VAMP7: variants seen among roughly 807,000 people sequenced by gnomAD.
The protein encoded by VAMP7 is vesicle associated membrane protein 7.
VAMP7 carries 14 observed loss-of-function variants against 29.6 expected under a neutral mutation model. The ratio of observed to expected loss-of-function variants is 0.47; its 90% CI spans 0.31 to 0.74. The LOEUF (loss-of-function observed/expected upper bound fraction) is 0.74. Among genes scored for constraint, VAMP7 ranks in the 30% least tolerant of loss-of-function variants. VAMP7 has a pLI of 0.05. For missense variants in VAMP7, 223 were observed against 262.4 expected (o/e 0.85, Z 1.04); for synonymous variants, 95 against 88.1 (o/e 1.08, Z -0.44).
At chrX:155,929,982 TACATAGTAAG>T (rs1249381213) in intron 6 of VAMP7, among the ~76,000 whole-genome samples, 1 of 152,180 alleles carries the variant, frequency 6.6e-6, no homozygotes, top group Non-Finnish European at 1.5e-5. Context: ...AGGCAAATTA[TACATAGTAAG>T]ACCAGCCAAG....
At chrX:155,908,287 G>A (rs1042422480) in intron 5 of VAMP7, among the ~76,000 whole-genome samples, 1 of 152,208 alleles carries the variant, frequency 6.6e-6, no homozygotes, top group Non-Finnish European at 1.5e-5. Context: ...CTGAGTGAAC[G>A]AGACTCCGTC....
At chrX:155,910,939 A>G (rs1436771116) in intron 5 of VAMP7, among the ~76,000 whole-genome samples, 1 of 152,044 alleles carries the variant, frequency 6.6e-6, no homozygotes, top group African/African-American at 2.4e-5. Context: ...TTTTTTGTTT[A>G]ATATAGTCCT....
At chrX:155,933,802 T>C (rs2066603693) in intron 6 of VAMP7, among the ~76,000 whole-genome samples, 1 of 152,200 alleles carries the variant, frequency 6.6e-6, no homozygotes, top group South Asian at 2.1e-4. Context: ...AGGGTGTCAA[T>C]TTTATATCTT....
At chrX:155,895,591 C>A (rs1163696832) in intron 2 of VAMP7, 32 bp from the exon 3 acceptor site, 2 of 1,540,464 alleles carry the variant, frequency 1.3e-6, no homozygotes, top group African/African-American at 1.4e-5. Context: ...TTGCTTATAA[C>A]CACAGTAAGT....
chrX:155,931,997 T>C (rs1257161222), intron 6 of VAMP7, among the ~76,000 whole-genome samples: 1 of 152,176 alleles, frequency 6.6e-6, no homozygotes, highest in African/African-American at 2.4e-5. Flanking sequence ...TTGTCAGGTT[T>C]GTCAAAGATG....
In VAMP7 at chrX:155,900,495, A is replaced by G. The variant is rs1370481194; in HGVS notation, c.343-2A>G. 1 of 1,603,302 alleles carries G rather than the reference A, an allele frequency of 6.2e-7. No homozygotes were observed. The highest frequency in any genetic ancestry group is 8.5e-7 in the Non-Finnish European group (1 of 1,174,480). ...CATAAGTTAAAACTTATTTTCTTATAGAAGCATCACTCTGAGAATAAGGGC... is the reference window on the plus strand; with the variant it reads ...CATAAGTTAAAACTTATTTTCTTATGGAAGCATCACTCTGAGAATAAGGGC... On this transcript the variant is annotated splice_acceptor_variant, in intron 4 of 7. Coordinates refer to ENST00000286448, the MANE Select transcript of VAMP7 (RefSeq NM_005638.6). LOFTEE classifies it high-confidence loss of function.
At chrX:155,896,292 A>G (rs1351864113) in intron 3 of VAMP7, among the ~76,000 whole-genome samples, 3 of 152,164 alleles carry the variant, frequency 2.0e-5, no homozygotes, top group African/African-American at 4.8e-5. Flanking sequence ...GATGTTCATA[A>G]TTATAATTCT....
At chrX:155,912,646 T>A (rs180692673) in intron 5 of VAMP7, among the ~76,000 whole-genome samples, 130 of 152,234 alleles carry the variant, frequency 8.5e-4, no homozygotes, top group African/African-American at 2.9e-3. Context: ...TTGCTGAGAA[T>A]GATGGTTTCC....
At chrX:155,939,851 A>G (rs1332669132) in intron 7 of VAMP7, 58 bp downstream of exon 7, 5 of 1,341,020 alleles carry the variant, frequency 3.7e-6, no homozygotes, top group African/African-American at 2.9e-5. Context: ...GAAATTAGGT[A>G]CTAGAATTAT....
chrX:155,906,764 A>C (rs2066153534), intron 5 of VAMP7, among the ~76,000 whole-genome samples: 2 of 152,180 alleles, frequency 1.3e-5, no homozygotes, highest in South Asian at 4.1e-4. Flanking sequence ...AAATAGAGAT[A>C]GTTTTAATTC....
chrX:155,891,572 T>A (rs749809186), intron 2 of VAMP7, among the ~76,000 whole-genome samples: 1 of 152,324 alleles, frequency 6.6e-6, no homozygotes, highest in South Asian at 2.1e-4. Context: ...CAAACTCCCA[T>A]TTGGAAAAGG....
At chrX:155,908,338 C>G (rs2066180999) in intron 5 of VAMP7, among the ~76,000 whole-genome samples, 1 of 152,220 alleles carries the variant, frequency 6.6e-6, no homozygotes, top group South Asian at 2.1e-4. Context: ...TGGCGGATCA[C>G]TCGCGGTTAG....
chrX:155,918,401 C>T (rs942305245), intron 5 of VAMP7, among the ~76,000 whole-genome samples: 1 of 152,116 alleles, frequency 6.6e-6, no homozygotes, highest in Non-Finnish European at 1.5e-5. Context: ...CAAATGGCCG[C>T]CCAGTTTTGT....
At chrX:155,887,018 C>T (rs1054634383) in intron 1 of VAMP7, among the ~76,000 whole-genome samples, 1 of 152,070 alleles carries the variant, frequency 6.6e-6, no homozygotes, top group African/African-American at 2.4e-5. Context: ...TTGTTCCTCT[C>T]TACTGTGTCT....
At chrX:155,897,421 G>C (rs2066001804) in intron 3 of VAMP7, among the ~76,000 whole-genome samples, 1 of 152,158 alleles carries the variant, frequency 6.6e-6, no homozygotes, top group East Asian at 1.9e-4. Context: ...AAAAAATCTA[G>C]CTATATGTGA....
At chrX:155,908,806 T>C (rs1361032567) in intron 5 of VAMP7, among the ~76,000 whole-genome samples, 1 of 152,128 alleles carries the variant, frequency 6.6e-6, no homozygotes, top group African/African-American at 2.4e-5. Flanking sequence ...TTTTTGTTTT[T>C]TGAGATGGGG....
At chrX:155,933,170 G>C (rs937004015) in intron 6 of VAMP7, among the ~76,000 whole-genome samples, 3 of 151,946 alleles carry the variant, frequency 2.0e-5, no homozygotes, top group Non-Finnish European at 1.5e-5. Flanking sequence ...TTCTCTTTTT[G>C]TGTTGTGTCT....
chrX:155,884,908 T>G (rs922008212), intron 1 of VAMP7, among the ~76,000 whole-genome samples: 4 of 152,206 alleles, frequency 2.6e-5, no homozygotes, highest in African/African-American at 7.2e-5. Flanking sequence ...ATTACCAAAT[T>G]TTTTAATACA....
chrX:155,884,617 T>G (rs1195539885), intron 1 of VAMP7, among the ~76,000 whole-genome samples: 2 of 152,232 alleles, frequency 1.3e-5, no homozygotes, highest in Non-Finnish European at 2.9e-5. Flanking sequence ...TAAGCATTGT[T>G]ATTTTAGGTG....
Sources: gnomAD v4.1 joint callset for allele counts (sites outside exome capture counted in the v4.1 genomes callset) on GRCh38, gnomAD v4.1.1 for gene constraint, MANE v1.5 for transcripts, NCBI Gene and HGNC (gene_info 2026-07-23, HGNC 2026-07-21) for gene names.